TRMT9B: variants seen among roughly 807,000 people sequenced by gnomAD.
TRMT9B encodes probable tRNA methyltransferase 9B.
In TRMT9B, 16 loss-of-function variants were observed where a neutral mutation model predicts 11.5. The observed-to-expected ratio is 1.39, with a 90% CI of 0.94 to 2.11. The LOEUF (loss-of-function observed/expected upper bound fraction) is 2.11, where lower values mean the gene tolerates loss of function less well. TRMT9B is among the 30% of genes most tolerant of loss of function. TRMT9B has a pLI of 0.00. For synonymous variants in TRMT9B, 274 were observed against 192.4 expected, an observed-to-expected ratio of 1.42 and a Z score of -3.51; for missense variants, 941 against 553.8, an observed-to-expected ratio of 1.70 and a Z score of -7.02.
chr8:12,995,295 A>G (rs2954185), intron 2 of TRMT9B, among the ~76,000 whole-genome samples: 6,054 of 152,300 alleles, frequency 0.04, 154 homozygotes, highest in African/African-American at 0.071. Flanking sequence ...CATTAGTGAT[A>G]AATGTGTAAA....
chr8:12,963,893 G>A (rs1195015236), intron 1 of TRMT9B, among the ~76,000 whole-genome samples: 3 of 152,188 alleles, frequency 2.0e-5, no homozygotes, highest in African/African-American at 7.2e-5. Context: ...TGTGGAATCA[G>A]CCCATATGGG....
chr8:13,012,950 A>G, intron 4 of TRMT9B, 93 bp downstream of exon 4: 1 of 1,367,776 alleles, frequency 7.3e-7, no homozygotes. Flanking sequence ...TTCTGTGTAG[A>G]AATGTCAATG....
chr8:12,947,122 A>G (rs1021180340), intron 1 of TRMT9B, among the ~76,000 whole-genome samples: 2 of 152,192 alleles, frequency 1.3e-5, no homozygotes, highest in Non-Finnish European at 2.9e-5. Context: ...TTTGATTCTC[A>G]GTCCATTCTG....
chr8:13,003,038 C>G (rs1432809054), intron 2 of TRMT9B, among the ~76,000 whole-genome samples: 3 of 152,124 alleles, frequency 2.0e-5, no homozygotes, highest in Admixed American at 6.6e-5. Flanking sequence ...TTTATTTGAT[C>G]ATTTGCTGGG....
At chr8:12,982,185 T>C (rs1039775393) in intron 1 of TRMT9B, among the ~76,000 whole-genome samples, 3 of 152,166 alleles carry the variant, frequency 2.0e-5, no homozygotes, top group African/African-American at 7.2e-5. Flanking sequence ...TTCTGGACTG[T>C]GCAATCTGCA....
At chr8:12,992,171 G>A (rs1009341918) in intron 2 of TRMT9B, among the ~76,000 whole-genome samples, 1 of 152,152 alleles carries the variant, frequency 6.6e-6, no homozygotes, top group African/African-American at 2.4e-5. Context: ...GTGATGCTCT[G>A]TGTTCTGCAC....
At chr8:13,002,852 C>T (rs940409311) in intron 2 of TRMT9B, among the ~76,000 whole-genome samples, 2 of 152,050 alleles carry the variant, frequency 1.3e-5, no homozygotes, top group Non-Finnish European at 2.9e-5. Flanking sequence ...GGTAGAGGTG[C>T]GGGGACAGAG....
At chr8:12,957,559 G>A (rs36037155) in intron 1 of TRMT9B, among the ~76,000 whole-genome samples, 66,299 of 151,858 alleles carry the variant, frequency 0.44, 14,983 homozygotes, top group Middle Eastern at 0.59. Context: ...AATAGATCTA[G>A]GGTGATCAGA....
At chr8:13,018,613 T>A (rs1230097133) in intron 4 of TRMT9B, among the ~76,000 whole-genome samples, 1 of 152,164 alleles carries the variant, frequency 6.6e-6, no homozygotes, top group Non-Finnish European at 1.5e-5. Context: ...AATTAATAAA[T>A]TCAGTGGAAT....
chr8:12,966,875 A>G (rs1056144647), intron 1 of TRMT9B, among the ~76,000 whole-genome samples: 2 of 152,170 alleles, frequency 1.3e-5, no homozygotes, highest in African/African-American at 4.8e-5. Context: ...AGGAGCAAAA[A>G]AATCGGCTTT....
intron 1 of TRMT9B, among the ~76,000 whole-genome samples, chr8:12,987,808 T>C (rs985822316): frequency 2.6e-5 from 4 of 152,112 alleles, no homozygotes; most frequent in Admixed American, 2.0e-4. Flanking sequence ...CAAAATCACC[T>C]GGCAAAAAGG....
chr8:13,016,130 A>G (rs1024212032), intron 4 of TRMT9B, among the ~76,000 whole-genome samples: 1 of 144,754 alleles, frequency 6.9e-6, no homozygotes, highest in Admixed American at 7.1e-5. Context: ...TACATATAAC[A>G]TAAATATAAG....
chr8:13,010,801 G>C, intron 3 of TRMT9B: 1 of 983,038 alleles, frequency 1.0e-6, no homozygotes, highest in South Asian at 4.7e-5. Flanking sequence ...ATCGTCTTTT[G>C]AAATACACAG....
chr8:13,020,308 C>G (rs933102172), intron 4 of TRMT9B, among the ~76,000 whole-genome samples: 39 of 152,318 alleles, frequency 2.6e-4, no homozygotes, highest in African/African-American at 9.4e-4. Flanking sequence ...CAGACTAGCA[C>G]TTTTATTGGC....
At chr8:12,988,151 A>G (rs986388231) in intron 1 of TRMT9B, among the ~76,000 whole-genome samples, 1 of 151,832 alleles carries the variant, frequency 6.6e-6, no homozygotes, top group Non-Finnish European at 1.5e-5. Context: ...TCTCCTTTTC[A>G]CCTGGCTGAC....
In TRMT9B at chr8:13,024,213, T is replaced by C. The variant is rs1375968610; in HGVS notation, c.*2169T>C. The C allele has an allele frequency of 6.5e-6, 1 of 153,510 alleles. No individual in the cohort carries two copies. The highest frequency in any genetic ancestry group is 1.5e-5 in the Non-Finnish European group (1 of 68,072). The allele number at this position is 153,510 out of a possible 1,614,324, so 9.5% of individuals were successfully genotyped here. Reference sequence around the variant, plus strand: ...CACCCACCACGACGCCCGGCTGTTTTTTTGTATTTTTAGGAGAGACGGGGT... The same window carrying C: ...CACCCACCACGACGCCCGGCTGTTTCTTTGTATTTTTAGGAGAGACGGGGT... On this transcript the variant is annotated 3_prime_UTR_variant, in exon 5 of 5. Coordinates refer to ENST00000524591, the MANE Select transcript of TRMT9B (RefSeq NM_020844.3).
At chr8:13,003,933 C>A (rs1314524944) in intron 2 of TRMT9B, among the ~76,000 whole-genome samples, 2 of 151,358 alleles carry the variant, frequency 1.3e-5, no homozygotes, top group African/African-American at 4.9e-5. Flanking sequence ...TATGCCCATG[C>A]CATCCCTCCT....
rs1814194115 is a variant in TRMT9B at position 13,022,982 on chromosome 8, C to G, written c.*938C>G. ...TGGGCAACATAGCAAGACTCTGTCT[C>G]AAAATAATAATAATAATAATAATAA... is the stretch of plus-strand genomic sequence containing the variant. On this transcript the variant is annotated 3_prime_UTR_variant, in exon 5 of 5. Coordinates refer to ENST00000524591, the MANE Select transcript of TRMT9B (RefSeq NM_020844.3). 1 of 166,148 alleles carries G rather than the reference C, an allele frequency of 6.0e-6. No homozygotes were observed. The highest frequency in any genetic ancestry group is 2.4e-5 in the African/African-American group (1 of 41,300). 10.3% of individuals were successfully genotyped at this position (166,148 alleles called of 1,614,324 possible).
intron 1 of TRMT9B, chr8:12,952,174 C>T (rs1800714346): frequency 2.2e-6 from 1 of 454,876 alleles, no homozygotes; most frequent in Non-Finnish European, 4.4e-6. Flanking sequence ...GAGCTGCTGC[C>T]AGTCGCCACA....
Sources: allele counts gnomAD v4.1 joint callset (sites outside exome capture counted in the v4.1 genomes callset), GRCh38; gene constraint gnomAD v4.1.1; transcripts MANE v1.5; gene names NCBI Gene and HGNC (gene_info 2026-07-23, HGNC 2026-07-21).